The following RNGTT variants were observed in gnomAD, a reference collection of about 807,000 sequenced individuals.
RNGTT encodes RNA guanylyltransferase and 5'-phosphatase, also known as mRNA-capping enzyme.
A neutral mutation model predicts 79.3 loss-of-function variants in RNGTT; 33 were observed. That is an observed-to-expected ratio of 0.42 (90% CI 0.32 to 0.56). The LOEUF (loss-of-function observed/expected upper bound fraction) is 0.56. Among genes scored for constraint, RNGTT ranks in the 20% least tolerant of loss-of-function variants. The probability of loss-of-function intolerance (pLI) is 0.17; values close to 1 mark genes in which losing one functional copy is unlikely to be tolerated. For missense variants in RNGTT, 497 were observed against 739.1 expected, an observed-to-expected ratio of 0.67 and a Z score of 3.80; for synonymous variants, 222 against 235.9, an observed-to-expected ratio of 0.94 and a Z score of 0.54.
At chr6:88,637,011 ATT>A (rs1382043524) in intron 14 of RNGTT, among the ~76,000 whole-genome samples, 2 of 152,084 alleles carry the variant, frequency 1.3e-5, no homozygotes, top group African/African-American at 2.4e-5. Flanking sequence ...ATGTTATTCA[ATT>A]TTTAAGCAAT....
chr6:88,853,943 C>T (rs1336827415), intron 8 of RNGTT, among the ~76,000 whole-genome samples, 179 bp from the exon 9 acceptor site: 3 of 146,074 alleles, frequency 2.1e-5, no homozygotes, highest in African/African-American at 7.6e-5. Flanking sequence ...TTTTTGGAGA[C>T]AGAGTCTTCC....
chr6:88,942,623 G>A (rs1449084171), intron 1 of RNGTT, among the ~76,000 whole-genome samples: 6 of 151,912 alleles, frequency 3.9e-5, no homozygotes, highest in Admixed American at 2.0e-4. Context: ...CGCCTACCTC[G>A]GCCTCCCAAA....
intron 6 of RNGTT, among the ~76,000 whole-genome samples, chr6:88,902,376 G>A (rs1270908441): frequency 1.3e-5 from 2 of 152,084 alleles, no homozygotes; most frequent in Admixed American, 1.3e-4. Context: ...AAGGCAGGAA[G>A]ATTACTTTAG....
At chr6:88,799,320 T>C (rs1779705738) in intron 12 of RNGTT, among the ~76,000 whole-genome samples, 2 of 152,164 alleles carry the variant, frequency 1.3e-5, no homozygotes, top group East Asian at 1.9e-4. Context: ...GTTAAACCAA[T>C]TGTCAACAAA....
At chr6:88,826,818 G>GTA (rs1780676109) in intron 11 of RNGTT, among the ~76,000 whole-genome samples, 1 of 62,876 alleles carries the variant, frequency 1.6e-5, no homozygotes, top group African/African-American at 8.3e-5. Context: ...ATATATATAT[G>GTA]TGTGTGTATA....
chr6:88,834,507 G>A (rs1448635847), intron 11 of RNGTT, among the ~76,000 whole-genome samples: 1 of 152,142 alleles, frequency 6.6e-6, no homozygotes, highest in South Asian at 2.1e-4. Context: ...AAATCAAAAT[G>A]CAGTTGCACC....
chr6:88,878,010 A>T (rs1273280466), intron 8 of RNGTT, among the ~76,000 whole-genome samples: 1 of 152,164 alleles, frequency 6.6e-6, no homozygotes, highest in Non-Finnish European at 1.5e-5. Context: ...CTGAGTCCTA[A>T]AATTAGTATA....
chr6:88,641,434 C>T (rs775409572), intron 14 of RNGTT, among the ~76,000 whole-genome samples: 3 of 151,970 alleles, frequency 2.0e-5, no homozygotes, highest in Non-Finnish European at 4.4e-5. Flanking sequence ...AGATGAGCTC[C>T]GTGCTGTAGA....
At chr6:88,647,261 C>T (rs1189646385) in intron 14 of RNGTT, among the ~76,000 whole-genome samples, 1 of 151,914 alleles carries the variant, frequency 6.6e-6, no homozygotes, top group African/African-American at 2.4e-5. Flanking sequence ...TTATATGTTA[C>T]TTATAGTTTA....
At chr6:88,672,240 C>T (rs1032689956) in intron 14 of RNGTT, among the ~76,000 whole-genome samples, 3 of 150,008 alleles carry the variant, frequency 2.0e-5, no homozygotes, top group African/African-American at 5.0e-5. Context: ...CATATATATA[C>T]ACACACACAC....
Position 88,853,741 on chromosome 6 carries a change from G to A in RNGTT, c.920C>T (p.Thr307Ile). 6.4e-7 allele frequency: 1 copy of A among 1,565,138 alleles called. No homozygotes were observed. Among genetic ancestry groups the A allele is most frequent in the Non-Finnish European group, 8.7e-7 (1 of 1,147,170 alleles). ...GTRYMMLIDG[T>I]NEVFMIDRDN... ...TCTATCAATCATAAAAACTTCATTT[G>A]TGCCATCAATCAACATCATGTACCT... is the stretch of plus-strand genomic sequence containing the variant. Residue 307 changes from threonine (T) to isoleucine (I), a missense_variant, in exon 9 of 16, where the codon ACA becomes ATA. By Grantham distance (89) the Thr-to-Ile change is moderately conservative (BLOSUM62 -1). This residue lies in a region of RNGTT where 440 missense variants were observed against 671.5 expected (regional missense o/e 0.66). Coordinates refer to ENST00000369485, the MANE Select transcript of RNGTT (RefSeq NM_003800.5).
chr6:88,689,594 CAAA>C (rs71554788), intron 13 of RNGTT, among the ~76,000 whole-genome samples: 2 of 97,420 alleles, frequency 2.1e-5, no homozygotes. Context: ...GACTCTGTCT[CAAA>C]AAAAAAAAAA....
At chr6:88,650,555 A>G (rs1460384875) in intron 14 of RNGTT, among the ~76,000 whole-genome samples, 3 of 151,774 alleles carry the variant, frequency 2.0e-5, no homozygotes, top group Non-Finnish European at 4.4e-5. Context: ...GGGCAAAAAA[A>G]TGAGAAACTG....
chr6:88,771,344 TATATATAC>T (rs1281662801), intron 12 of RNGTT, among the ~76,000 whole-genome samples: 4 of 131,250 alleles, frequency 3.0e-5, no homozygotes, highest in East Asian at 2.1e-4. Context: ...TATATATATA[TATATATAC>T]ACACACACAC....
chr6:88,765,304 C>T (rs552188480), intron 13 of RNGTT, among the ~76,000 whole-genome samples: 1 of 151,952 alleles, frequency 6.6e-6, no homozygotes, highest in South Asian at 2.1e-4. Context: ...TCATTCAGGG[C>T]ACTTTTTTTC....
intron 8 of RNGTT, among the ~76,000 whole-genome samples, chr6:88,886,105 A>T (rs918616236): frequency 5.9e-5 from 9 of 152,288 alleles, no homozygotes; most frequent in Admixed American, 5.2e-4. Flanking sequence ...GGAGATCGAG[A>T]CCATCCTGGC....
chr6:88,926,424 T>C (rs1182610387), intron 4 of RNGTT, among the ~76,000 whole-genome samples: 2 of 152,232 alleles, frequency 1.3e-5, no homozygotes, highest in East Asian at 3.8e-4. Context: ...GAGGTGGGGA[T>C]TTTACAAATT....
intron 12 of RNGTT, among the ~76,000 whole-genome samples, chr6:88,796,825 T>G (rs1050850276): frequency 4.6e-5 from 7 of 152,164 alleles, no homozygotes; most frequent in Admixed American, 1.3e-4. Flanking sequence ...CCTTTTTAGT[T>G]CTATTGTCTA....
At chr6:88,731,100 C>A (rs1008518582) in intron 13 of RNGTT, among the ~76,000 whole-genome samples, 1 of 151,920 alleles carries the variant, frequency 6.6e-6, no homozygotes, top group Admixed American at 6.6e-5. Context: ...AATGAAAGAG[C>A]TACAACACAG....
Sources: allele counts gnomAD v4.1 joint callset (sites outside exome capture counted in the v4.1 genomes callset), GRCh38; gene constraint gnomAD v4.1.1; regional missense constraint gnomAD v4.1.1; transcripts MANE v1.5; gene names NCBI Gene and HGNC (gene_info 2026-07-23, HGNC 2026-07-21).